Variants in MCC observed in about 807,000 individuals in gnomAD.
MCC encodes the protein MCC regulator of Wnt signaling pathway.
In MCC, 90 loss-of-function variants were observed where a neutral mutation model predicts 116.2. The ratio of observed to expected loss-of-function variants is 0.77; its 90% confidence interval spans 0.65 to 0.92. MCC has a LOEUF of 0.92. MCC is among the 40% of genes least tolerant of loss of function. The pLI is 0.00. For synonymous variants in MCC, 578 were observed against 510.5 expected (o/e 1.13, Z -1.78); for missense variants, 1,516 against 1,312.2 (o/e 1.16, Z -2.40).
chr5:113,084,240 A>G (rs1205321475), intron 9 of MCC, 50 bp from the exon 10 acceptor site: 2 of 1,415,204 alleles, frequency 1.4e-6, no homozygotes, highest in Admixed American at 3.3e-5. Flanking sequence ...CACTCCTCAG[A>G]TAAACTGTTG....
intron 3 of MCC, among the ~76,000 whole-genome samples, chr5:113,259,093 A>G (rs2150347596): frequency 6.6e-6 from 1 of 152,344 alleles, no homozygotes; most frequent in South Asian, 2.1e-4. Context: ...ATAATTTACA[A>G]CAGCAAAATG....
intron 3 of MCC, among the ~76,000 whole-genome samples, chr5:113,339,982 A>G (rs1314335031): frequency 6.6e-6 from 1 of 152,260 alleles, no homozygotes; most frequent in Admixed American, 6.5e-5. Context: ...AAGAGAAGAC[A>G]ATAGCTCTTT....
intron 2 of MCC, among the ~76,000 whole-genome samples, chr5:113,342,006 C>T (rs1197522388): frequency 6.6e-6 from 1 of 150,500 alleles, no homozygotes; most frequent in Non-Finnish European, 1.5e-5. Flanking sequence ...ACACTTTCCC[C>T]CAAGTCCCCA....
At chr5:113,111,056 C>T (rs1757064406) in intron 6 of MCC, among the ~76,000 whole-genome samples, 1 of 152,172 alleles carries the variant, frequency 6.6e-6, no homozygotes, top group Non-Finnish European at 1.5e-5. Flanking sequence ...CAATTTTCCT[C>T]AGTTGGCCTC....
intron 3 of MCC, chr5:113,204,490 A>C (rs1294964364): frequency 2.0e-5 from 3 of 152,206 alleles, no homozygotes; most frequent in Admixed American, 1.3e-4. Context: ...ACCAAATAAA[A>C]TTTATTTTTA....
intron 8 of MCC, among the ~76,000 whole-genome samples, chr5:113,091,883 G>GAC (rs149076453): frequency 0.19 from 28,451 of 149,792 alleles, 2,864 homozygotes; most frequent in African/African-American, 0.27. Context: ...ATGAGACTCA[G>GAC]ACACACACAC....
At chr5:113,203,598 T>C (rs1269435943) in intron 3 of MCC, among the ~76,000 whole-genome samples, 1 of 152,140 alleles carries the variant, frequency 6.6e-6, no homozygotes, top group Non-Finnish European at 1.5e-5. Context: ...TCACTTGGCG[T>C]GATTATTTCG....
At chr5:113,439,715 T>C (rs545930814) in intron 1 of MCC, among the ~76,000 whole-genome samples, 2 of 152,328 alleles carry the variant, frequency 1.3e-5, no homozygotes, top group East Asian at 1.9e-4. Flanking sequence ...AGCCTCAGTA[T>C]GTACATTTCT....
intron 17 of MCC, among the ~76,000 whole-genome samples, chr5:113,034,899 G>A (rs1000368964): frequency 6.6e-6 from 1 of 152,206 alleles, no homozygotes; most frequent in Non-Finnish European, 1.5e-5. Context: ...TTCATTGGCT[G>A]CTCCCTTTCT....
intron 1 of MCC, among the ~76,000 whole-genome samples, chr5:113,387,252 A>C (rs941705461): frequency 6.6e-6 from 1 of 152,208 alleles, no homozygotes; most frequent in Non-Finnish European, 1.5e-5. Flanking sequence ...CTTATTGTTC[A>C]TGCAAATTAA....
intron 8 of MCC, among the ~76,000 whole-genome samples, chr5:113,098,542 T>A: frequency 6.6e-6 from 1 of 152,208 alleles, no homozygotes; most frequent in East Asian, 1.9e-4. Flanking sequence ...CATGGTTATA[T>A]CACAGAGCAA....
intron 15 of MCC, among the ~76,000 whole-genome samples, chr5:113,050,198 A>G (rs1580927770): frequency 6.6e-6 from 1 of 152,170 alleles, no homozygotes; most frequent in Non-Finnish European, 1.5e-5. Flanking sequence ...TAAGCTGTGG[A>G]GCCACAGATT....
chr5:113,311,043 T>A (rs1581391177), intron 3 of MCC, among the ~76,000 whole-genome samples: 2 of 152,176 alleles, frequency 1.3e-5, no homozygotes, highest in Non-Finnish European at 2.9e-5. Flanking sequence ...GAAGTGAGGA[T>A]CACTTGGATG....
intron 1 of MCC, among the ~76,000 whole-genome samples, chr5:113,430,956 T>C (rs897661472): frequency 1.4e-4 from 22 of 152,076 alleles, no homozygotes; most frequent in African/African-American, 3.9e-4. Flanking sequence ...CCAAGCCTTG[T>C]TGAAAGCTAA....
intron 1 of MCC, chr5:113,433,052 G>C (rs2150411727): frequency 6.6e-6 from 1 of 152,586 alleles, no homozygotes; most frequent in South Asian, 2.1e-4. Flanking sequence ...TGAGGATCTA[G>C]GATAATACTG....
chr5:113,272,147 G>A (rs1049862626), intron 3 of MCC, among the ~76,000 whole-genome samples: 1 of 152,142 alleles, frequency 6.6e-6, no homozygotes, highest in Non-Finnish European at 1.5e-5. Flanking sequence ...AAGGGAAATG[G>A]GTAAGGTTTA....
chr5:113,442,595 T>C (rs1261132162), intron 1 of MCC, among the ~76,000 whole-genome samples: 2 of 152,222 alleles, frequency 1.3e-5, no homozygotes, highest in Admixed American at 6.5e-5. Flanking sequence ...CTGAATGGTA[T>C]TGCCTAGGTT....
chr5:113,429,321 A>C (rs539832787), intron 1 of MCC, among the ~76,000 whole-genome samples: 3 of 152,264 alleles, frequency 2.0e-5, no homozygotes, highest in African/African-American at 7.2e-5. Flanking sequence ...ATGTGAGGGC[A>C]CAGGGAGAAG....
chr5:113,048,062 C>A (rs1006443934), intron 16 of MCC, among the ~76,000 whole-genome samples: 9 of 152,208 alleles, frequency 5.9e-5, no homozygotes, highest in Admixed American at 1.3e-4. Flanking sequence ...TGGATCTGGG[C>A]TAAATCCCAA....
Sources: allele counts gnomAD v4.1 joint callset (sites outside exome capture counted in the v4.1 genomes callset), GRCh38; gene constraint gnomAD v4.1.1; transcripts MANE v1.5; gene names NCBI Gene and HGNC (gene_info 2026-07-23, HGNC 2026-07-21).